SLC26A7: variants seen among roughly 807,000 people sequenced by gnomAD.
The protein encoded by SLC26A7 is solute carrier family 26 member 7.
Under a neutral mutation model 82.5 loss-of-function variants are expected in SLC26A7, and 59 were observed. The observed-to-expected ratio is 0.72, with a 90% CI of 0.58 to 0.89. The LOEUF (loss-of-function observed/expected upper bound fraction) is 0.89, where lower values mean the gene tolerates loss of function less well. Among genes scored for constraint, SLC26A7 ranks in the 40% least tolerant of loss-of-function variants. The pLI, the probability that SLC26A7 is intolerant of heterozygous loss-of-function variation, is 0.00. For synonymous variants in SLC26A7, 271 were observed against 274.3 expected (o/e 0.99, Z 0.12); for missense variants, 820 against 793.0 (o/e 1.03, Z -0.41).
intron 2 of SLC26A7, among the ~76,000 whole-genome samples, chr8:91,240,312 C>G (rs954569240): frequency 6.6e-6 from 1 of 152,164 alleles, no homozygotes; most frequent in Non-Finnish European, 1.5e-5. Flanking sequence ...TACACAATAT[C>G]ATCCCAATCT....
In SLC26A7 at chr8:91,332,830, T is replaced by G. The variant is rs974089097; in HGVS notation, c.643-1465T>G. ...GTGAGCCACCACACCCAGCTTTTTC[T>G]TATATATTTTATTATTAGTAACATG... On this transcript the variant is annotated intron_variant, in intron 5 of 18. Coordinates refer to ENST00000276609, the MANE Select transcript of SLC26A7 (RefSeq NM_052832.4). Among the ~76,000 whole-genome samples the G allele has an allele frequency of 3.9e-5, 6 of 152,224 alleles. No individual in the cohort carries two copies. In the Middle Eastern group the frequency reaches 0.01, roughly 259 times the overall value.
chr8:91,250,405 C>T (rs1810626457), intron 2 of SLC26A7, among the ~76,000 whole-genome samples: 1 of 152,128 alleles, frequency 6.6e-6, no homozygotes, highest in Non-Finnish European at 1.5e-5. Context: ...ACATTACCTA[C>T]TACATCTATT....
chr8:91,235,334 G>A (rs979199777), intron 2 of SLC26A7, among the ~76,000 whole-genome samples: 4 of 152,146 alleles, frequency 2.6e-5, no homozygotes, highest in African/African-American at 9.7e-5. Flanking sequence ...AACTAGAGGA[G>A]ATGGAAAGAA....
intron 9 of SLC26A7, among the ~76,000 whole-genome samples, chr8:91,351,607 C>T (rs1443707064): frequency 6.6e-6 from 1 of 152,104 alleles, no homozygotes; most frequent in Non-Finnish European, 1.5e-5. Context: ...TTTGATTGCA[C>T]CAGTTTGTCA....
intron 2 of SLC26A7, among the ~76,000 whole-genome samples, chr8:91,237,447 C>A (rs1284343025): frequency 6.6e-6 from 1 of 152,170 alleles, no homozygotes; most frequent in Admixed American, 6.5e-5. Context: ...CAATTTCTTT[C>A]CTCTCTATTT....
At chr8:91,328,674 G>A (rs548579247) in intron 5 of SLC26A7, among the ~76,000 whole-genome samples, 1 of 152,112 alleles carries the variant, frequency 6.6e-6, no homozygotes, top group South Asian at 2.1e-4. Flanking sequence ...CATTCTAGAA[G>A]TTGAGAATCT....
chr8:91,264,529 C>T (rs1267258164), intron 2 of SLC26A7, among the ~76,000 whole-genome samples: 1 of 151,964 alleles, frequency 6.6e-6, no homozygotes, highest in Non-Finnish European at 1.5e-5. Flanking sequence ...ACCTGAGCCT[C>T]CTGGAAGGTC....
intron 1 of SLC26A7, among the ~76,000 whole-genome samples, chr8:91,212,533 A>G (rs1464357895): frequency 6.6e-6 from 1 of 152,180 alleles, no homozygotes; most frequent in African/African-American, 2.4e-5. Context: ...TGTAACTTTA[A>G]TTCCTTTTTT....
At chr8:91,243,195 A>G (rs1268871050) in intron 2 of SLC26A7, among the ~76,000 whole-genome samples, 2 of 152,162 alleles carry the variant, frequency 1.3e-5, no homozygotes, top group Non-Finnish European at 2.9e-5. Context: ...ATAATGTTGG[A>G]CAGTTTAAAA....
chr8:91,227,417 C>A (rs779434509), intron 2 of SLC26A7, among the ~76,000 whole-genome samples: 1 of 152,106 alleles, frequency 6.6e-6, no homozygotes, highest in East Asian at 1.9e-4. Flanking sequence ...TAGTTTCAAA[C>A]AGAAGAATAT....
intron 2 of SLC26A7, among the ~76,000 whole-genome samples, chr8:91,268,902 GGC>G (rs1811188263): frequency 6.6e-6 from 1 of 150,502 alleles, no homozygotes; most frequent in Admixed American, 6.6e-5. Context: ...AGTTATAACA[GGC>G]TATTTTAAAC....
intron 14 of SLC26A7, 146 bp downstream of exon 14, chr8:91,366,863 T>A: frequency 1.1e-6 from 1 of 935,188 alleles, no homozygotes; most frequent in Non-Finnish European, 1.6e-6. Flanking sequence ...TTGATTATTT[T>A]AGTTAATTTT....
intron 2 of SLC26A7, among the ~76,000 whole-genome samples, chr8:91,233,572 A>G (rs1810344059): frequency 6.6e-6 from 1 of 151,708 alleles, no homozygotes; most frequent in Admixed American, 6.6e-5. Context: ...GTGTCAAAAA[A>G]AGAAAAAAAA....
At position 91,385,908 on chromosome 8, in the gene SLC26A7, A is replaced by G. The variant is rs1814786979; in HGVS notation, c.1676-3430A>G. Among the ~76,000 whole-genome samples the G allele has an allele frequency of 2.6e-5, 4 of 152,198 alleles. No homozygotes were observed. In the South Asian group the frequency reaches 8.3e-4, roughly 31 times the overall value. On this transcript the variant is annotated intron_variant, in intron 15 of 18. Transcript: ENST00000276609. Reference sequence around the variant, plus strand: ...CCTTTTAATCACCATTTTCTAGTCAATTAAATGCAGTTATCAATCTCTCTA... The same window carrying G: ...CCTTTTAATCACCATTTTCTAGTCAGTTAAATGCAGTTATCAATCTCTCTA...
rs1361981154 is a variant in SLC26A7 at position 91,366,789 on chromosome 8, A to G, written c.1626+72A>G. ...TATCATGACAATAAAACATGTATCAAGTAAATAATAATACATCACACGAGT... is the reference window on the plus strand; with the variant it reads ...TATCATGACAATAAAACATGTATCAGGTAAATAATAATACATCACACGAGT... On this transcript the variant is annotated intron_variant, in intron 14 of 18. Coordinates refer to ENST00000276609, the MANE Select transcript of SLC26A7 (RefSeq NM_052832.4). The G allele has an allele frequency of 2.7e-6, 4 of 1,491,332 alleles. No individual in the cohort carries two copies. The African/African-American group carries it at 4.2e-5, about 16-fold the overall frequency. The allele number at this position is 1,491,332 out of a possible 1,614,324, so 92.4% of individuals were successfully genotyped here. A position where few individuals can be genotyped will look rare whatever the true frequency, so the allele number is the denominator to read the frequency against.
chr8:91,308,698 C>T (rs1335570999), intron 4 of SLC26A7, among the ~76,000 whole-genome samples: 1 of 152,092 alleles, frequency 6.6e-6, no homozygotes, highest in Non-Finnish European at 1.5e-5. Context: ...CTATTCTCCC[C>T]TATTTATTTA....
At chr8:91,295,808 G>A in intron 4 of SLC26A7, 105 bp downstream of exon 4, 1 of 1,089,940 alleles carries the variant, frequency 9.2e-7, no homozygotes, top group South Asian at 1.7e-5. Flanking sequence ...CTTTATAGGT[G>A]GATAAAGGCC....
chr8:91,237,165 C>G (rs780185455), intron 2 of SLC26A7, among the ~76,000 whole-genome samples: 17 of 152,218 alleles, frequency 1.1e-4, no homozygotes, highest in Non-Finnish European at 2.2e-4. Context: ...ATTCACTACA[C>G]CAAAATCCAC....
At chr8:91,353,075 G>A in intron 11 of SLC26A7, 79 bp downstream of exon 11, 1 of 924,184 alleles carries the variant, frequency 1.1e-6, no homozygotes, top group South Asian at 1.7e-5. Flanking sequence ...ACTTTTATTT[G>A]CAGAAAATAG....
Sources: allele counts gnomAD v4.1 joint callset (sites outside exome capture counted in the v4.1 genomes callset), GRCh38; gene constraint gnomAD v4.1.1; transcripts MANE v1.5; gene names NCBI Gene and HGNC (gene_info 2026-07-23, HGNC 2026-07-21).